The following MTMR3 variants were observed in gnomAD, a reference collection of about 807,000 sequenced individuals.
MTMR3 encodes the protein myotubularin related protein 3.
MTMR3 carries 32 observed loss-of-function variants against 132.4 expected under a neutral mutation model. That is an observed-to-expected ratio of 0.24 (90% CI 0.18 to 0.32). The LOEUF is 0.32. Among genes scored for constraint, MTMR3 ranks in the 10% least tolerant of loss-of-function variants. The pLI is 1.00. For synonymous variants in MTMR3, 556 were observed against 550.3 expected (o/e 1.01, Z -0.14); for missense variants, 1,216 against 1,489.6 (o/e 0.82, Z 3.02).
Position 30,013,376 on chromosome 22 carries a change from A to G in MTMR3, c.1338A>G (p.Glu446=), listed in dbSNP as rs1165851578. The G allele has an allele frequency of 6.2e-7, 1 of 1,613,902 alleles. No homozygotes were observed. Among genetic ancestry groups the G allele is most frequent in the Non-Finnish European group, 8.5e-7 (1 of 1,179,838 alleles). The change falls in exon 14 of 20, where the codon GAA becomes GAG. Residue 446 remains glutamate (E), a synonymous_variant. Coordinates refer to ENST00000401950, the MANE Select transcript of MTMR3 (RefSeq NM_021090.4). ...TGCAGGGTTTCCAGGTCCTCGTGGA[A>G]ATGGAGTGGCTGGATTTTGGCCATA... ...RTIEGFQVLV[E]MEWLDFGHKF...
intron 1 of MTMR3, among the ~76,000 whole-genome samples, chr22:29,950,740 A>C (rs567377740): frequency 3.6e-5 from 5 of 138,068 alleles, no homozygotes; most frequent in African/African-American, 1.2e-4. Context: ...TTTCTATAGT[A>C]AAATAATGCC....
chr22:29,942,301 C>T (rs77011154), intron 1 of MTMR3, among the ~76,000 whole-genome samples: 345 of 152,122 alleles, frequency 2.3e-3, no homozygotes, highest in Non-Finnish European at 3.6e-3. Flanking sequence ...AGGGAGTGTA[C>T]GAATAGGGTG....
At chr22:29,949,633 A>G (rs1239569061) in intron 1 of MTMR3, among the ~76,000 whole-genome samples, 8 of 151,492 alleles carry the variant, frequency 5.3e-5, no homozygotes, top group Non-Finnish European at 1.0e-4. Flanking sequence ...AGGAGCTCTT[A>G]ATTTAAGCCT....
chr22:29,930,083 A>C (rs73396894), intron 1 of MTMR3, among the ~76,000 whole-genome samples: 1 of 152,168 alleles, frequency 6.6e-6, no homozygotes, highest in Non-Finnish European at 1.5e-5. Context: ...ATTTCCAGAT[A>C]ATTTTTTAAA....
chr22:29,920,977 G>T (rs2065399750), intron 1 of MTMR3, among the ~76,000 whole-genome samples: 2 of 146,230 alleles, frequency 1.4e-5, no homozygotes, highest in African/African-American at 5.0e-5. Flanking sequence ...TTTTTAGGGG[G>T]TGGTGGGGGT....
At chr22:29,887,181 G>C (rs1235202497) in intron 1 of MTMR3, among the ~76,000 whole-genome samples, 1 of 152,126 alleles carries the variant, frequency 6.6e-6, no homozygotes, top group African/African-American at 2.4e-5. Flanking sequence ...TATTAAAAAT[G>C]AAAATTGTAG....
chr22:30,020,052 TAGA>T lies in MTMR3; in HGVS notation c.2397_2399del (p.Glu800del). 1 of 1,614,172 alleles carries T rather than the reference TAGA, an allele frequency of 6.2e-7. No homozygotes were observed. The highest frequency in any genetic ancestry group is 8.5e-7 in the Non-Finnish European group (1 of 1,180,028). ...GAGGTCCCTGTGGAGCAGTTTCGAA[TAGA>T]AGAGATTGCAGAGGGTAGGGAGGAA... On this transcript the variant is annotated inframe_deletion, in exon 17 of 20. Coordinates refer to ENST00000401950, the MANE Select transcript of MTMR3 (RefSeq NM_021090.4).
intron 1 of MTMR3, among the ~76,000 whole-genome samples, chr22:29,955,426 T>A (rs1210855472): frequency 6.6e-6 from 1 of 152,244 alleles, no homozygotes; most frequent in South Asian, 2.1e-4. Context: ...TCTACAGATT[T>A]ACAAATCCCT....
chr22:29,892,112 C>T (rs2064811370), intron 1 of MTMR3, among the ~76,000 whole-genome samples: 1 of 151,212 alleles, frequency 6.6e-6, no homozygotes, highest in Non-Finnish European at 1.5e-5. Flanking sequence ...GAGATTGTGC[C>T]ACTGCACTGC....
intron 14 of MTMR3, chr22:30,015,540 G>A (rs2067568268): frequency 8.7e-6 from 1 of 115,092 alleles, no homozygotes; most frequent in South Asian, 3.0e-4. Flanking sequence ...TCCACATTCA[G>A]TCAGATTCTG....
chr22:29,919,185 G>T (rs557982306), intron 1 of MTMR3, among the ~76,000 whole-genome samples: 1 of 152,070 alleles, frequency 6.6e-6, no homozygotes. Flanking sequence ...AAGTTACCTC[G>T]TTTTTTGCTT....
intron 1 of MTMR3, among the ~76,000 whole-genome samples, chr22:29,934,266 A>G (rs2065704643): frequency 1.3e-5 from 2 of 152,150 alleles, no homozygotes; most frequent in African/African-American, 4.8e-5. Flanking sequence ...ACGCAGGAGA[A>G]TGGTGTGAAC....
intron 1 of MTMR3, 53 bp from the exon 2 acceptor site, chr22:29,956,978 GCTTAA>G (rs2066205873): frequency 6.6e-6 from 1 of 152,206 alleles, no homozygotes; most frequent in South Asian, 2.1e-4. Flanking sequence ...GATCTAAGTG[GCTTAA>G]CTTGATTCTT....
At chr22:29,958,196 C>T (rs1662373725) in intron 2 of MTMR3, among the ~76,000 whole-genome samples, 1 of 152,088 alleles carries the variant, frequency 6.6e-6, no homozygotes, top group African/African-American at 2.4e-5. Context: ...AAAAAATGTC[C>T]TTTTCATAGA....
chr22:29,932,288 C>G (rs1454858068), intron 1 of MTMR3, among the ~76,000 whole-genome samples: 2 of 152,136 alleles, frequency 1.3e-5, no homozygotes, highest in Non-Finnish European at 2.9e-5. Context: ...TAGCTCTCTC[C>G]CTACTAAGGT....
chr22:29,929,792 G>A (rs1439374473), intron 1 of MTMR3, among the ~76,000 whole-genome samples: 3 of 152,118 alleles, frequency 2.0e-5, no homozygotes, highest in Non-Finnish European at 2.9e-5. Flanking sequence ...AATTACAGGC[G>A]TGAGCCACCG....
intron 9 of MTMR3, chr22:30,005,812 TA>T (rs1430501621): frequency 6.6e-6 from 1 of 152,190 alleles, no homozygotes; most frequent in Non-Finnish European, 1.5e-5. Flanking sequence ...CCAGCCACCC[TA>T]GCCCTGAATA....
chr22:29,988,243 A>G, intron 5 of MTMR3: 1 of 304,820 alleles, frequency 3.3e-6, no homozygotes, highest in Non-Finnish European at 6.1e-6. Flanking sequence ...AGGTGGTGCC[A>G]CCTCTTTGTT....
chr22:29,938,217 T>G (rs749557770), intron 1 of MTMR3, among the ~76,000 whole-genome samples: 1 of 152,236 alleles, frequency 6.6e-6, no homozygotes, highest in Non-Finnish European at 1.5e-5. Flanking sequence ...AAATCGTAAC[T>G]GTTTTCCTGG....
Sources: gnomAD v4.1 joint callset for allele counts (sites outside exome capture counted in the v4.1 genomes callset) on GRCh38, gnomAD v4.1.1 for gene constraint, MANE v1.5 for transcripts, NCBI Gene and HGNC (gene_info 2026-07-23, HGNC 2026-07-21) for gene names.